Variants in FTCDNL1 observed in about 807,000 individuals in gnomAD.
FTCDNL1 encodes formiminotransferase cyclodeaminase N-terminal like.
In FTCDNL1, 11 loss-of-function variants were observed where a neutral mutation model predicts 5.9. That is an observed-to-expected ratio of 1.87 (90% CI 1.18 to 3.10). FTCDNL1 has a LOEUF of 3.10. FTCDNL1 is among the 30% of genes most tolerant of loss of function. The pLI, the probability that FTCDNL1 is intolerant of heterozygous loss-of-function variation, is 0.00. For synonymous variants in FTCDNL1, 58 were observed against 24.8 expected (o/e 2.34, Z -3.99); for missense variants, 115 against 65.5 (o/e 1.76, Z -2.61).
intron 3 of FTCDNL1, among the ~76,000 whole-genome samples, chr2:199,787,510 G>A (rs1010713804): frequency 3.3e-5 from 5 of 152,026 alleles, no homozygotes; most frequent in African/African-American, 9.7e-5. Flanking sequence ...TCTATCCCAC[G>A]TAGCCTAACA....
chr2:199,686,128 C>T, the FTCDNL1 span, among the ~76,000 whole-genome samples: 22 of 152,180 alleles, frequency 1.4e-4, no homozygotes, highest in Middle Eastern at 3.2e-3. Flanking sequence ...GGGCTATCTC[C>T]GCTGTTCAGC....
the FTCDNL1 span, among the ~76,000 whole-genome samples, chr2:199,689,576 T>C: frequency 6.6e-6 from 1 of 152,144 alleles, no homozygotes; most frequent in African/African-American, 2.4e-5. Flanking sequence ...GCCCATAACC[T>C]CACCCCTGTT....
chr2:199,664,629 T>C, the FTCDNL1 span, among the ~76,000 whole-genome samples: 1 of 152,190 alleles, frequency 6.6e-6, no homozygotes, highest in Non-Finnish European at 1.5e-5. Flanking sequence ...CTTAAAGATA[T>C]CTTAGAAATG....
At chr2:199,781,849 G>A (rs542883114) in intron 3 of FTCDNL1, among the ~76,000 whole-genome samples, 2 of 152,016 alleles carry the variant, frequency 1.3e-5, no homozygotes, top group East Asian at 1.9e-4. Context: ...GCGCCATCTC[G>A]GCTCACTGCA....
the FTCDNL1 span, among the ~76,000 whole-genome samples, chr2:199,740,407 C>T: frequency 6.6e-6 from 1 of 152,188 alleles, no homozygotes; most frequent in African/African-American, 2.4e-5. Context: ...TGAGAGCTCT[C>T]CAGAGCCTCT....
intron 2 of FTCDNL1, among the ~76,000 whole-genome samples, 187 bp from the exon 3 acceptor site, chr2:199,846,357 G>T (rs2076732853): frequency 6.6e-6 from 1 of 152,146 alleles, no homozygotes; most frequent in Non-Finnish European, 1.5e-5. Context: ...GCATCTTATT[G>T]TATAACCAGA....
chr2:199,682,319 C>A, the FTCDNL1 span, among the ~76,000 whole-genome samples: 1 of 152,166 alleles, frequency 6.6e-6, no homozygotes, highest in Admixed American at 6.5e-5. Flanking sequence ...GGGTCTCCGG[C>A]CTGCCCACCC....
At chr2:199,762,712 T>C (rs574061483) in intron 3 of FTCDNL1, among the ~76,000 whole-genome samples, 2 of 152,328 alleles carry the variant, frequency 1.3e-5, no homozygotes. Context: ...GCCTTATCTG[T>C]ACAACGGCAA....
chr2:199,742,223 TC>T, the FTCDNL1 span, among the ~76,000 whole-genome samples: 40 of 152,036 alleles, frequency 2.6e-4, no homozygotes, highest in African/African-American at 9.6e-4. Context: ...CTGTGAAGAC[TC>T]CCCCACTACC....
At chr2:199,703,859 T>C in the FTCDNL1 span, among the ~76,000 whole-genome samples, 1 of 152,160 alleles carries the variant, frequency 6.6e-6, no homozygotes, top group South Asian at 2.1e-4. Context: ...AATAAACCTT[T>C]TAAAAACATA....
the FTCDNL1 span, among the ~76,000 whole-genome samples, chr2:199,734,589 A>G: frequency 6.6e-6 from 1 of 152,186 alleles, no homozygotes; most frequent in Non-Finnish European, 1.5e-5. Context: ...TTTAAATCAA[A>G]TGTTTAAATT....
At chr2:199,765,292 C>T (rs11901592) in intron 3 of FTCDNL1, among the ~76,000 whole-genome samples, 3,690 of 151,740 alleles carry the variant, frequency 0.024, 151 homozygotes, top group African/African-American at 0.084. Context: ...TTGTAACAAA[C>T]GTACCACTCT....
At position 199,832,145 on chromosome 2, in the gene FTCDNL1, C is replaced by T. The variant is rs1702413823; in HGVS notation, c.212-12388G>A. Among the ~76,000 whole-genome samples, 6 of 152,222 alleles carry T rather than the reference C, an allele frequency of 3.9e-5. No homozygotes were observed. In the South Asian group the frequency reaches 1.2e-3, roughly 32 times the overall value. On this transcript the variant is annotated intron_variant, in intron 3 of 4. Coordinates refer to ENST00000420128, the MANE Select transcript of FTCDNL1 (RefSeq NM_001363886.2). ...ATATAGTTTCATAGAGATATGTATA[C>T]AGAAGCTTATTATTCCTTTGTAGGG...
the FTCDNL1 span, among the ~76,000 whole-genome samples, chr2:199,728,727 T>C: frequency 1.3e-5 from 2 of 152,198 alleles, no homozygotes. Context: ...ACTTGAGCTA[T>C]CATTTGATCA....
At chr2:199,824,900 G>A (rs1701929856) in intron 3 of FTCDNL1, among the ~76,000 whole-genome samples, 2 of 152,162 alleles carry the variant, frequency 1.3e-5, no homozygotes, top group Non-Finnish European at 2.9e-5. Context: ...CACTTTGGGA[G>A]GCTGAGGCAG....
At chr2:199,711,795 T>A in the FTCDNL1 span, among the ~76,000 whole-genome samples, 1 of 152,214 alleles carries the variant, frequency 6.6e-6, no homozygotes, top group African/African-American at 2.4e-5. Flanking sequence ...ACCAAAGGGA[T>A]GGGCTTCCAA....
At chr2:199,769,582 C>A (rs949987321) in intron 3 of FTCDNL1, among the ~76,000 whole-genome samples, 37 of 152,170 alleles carry the variant, frequency 2.4e-4, no homozygotes, top group Non-Finnish European at 7.3e-5. Context: ...CAGACTAATA[C>A]AAGGAGAGGG....
the FTCDNL1 span, among the ~76,000 whole-genome samples, chr2:199,701,183 G>C: frequency 6.6e-6 from 1 of 151,308 alleles, no homozygotes; most frequent in East Asian, 1.9e-4. Context: ...GGAATGCTAC[G>C]TTTTCTAGCA....
intron 3 of FTCDNL1, among the ~76,000 whole-genome samples, chr2:199,778,316 G>T (rs1699194585): frequency 6.6e-6 from 1 of 152,166 alleles, no homozygotes; most frequent in Non-Finnish European, 1.5e-5. Flanking sequence ...TACATTTCTA[G>T]GTACTGAGGA....
Sources: gnomAD v4.1 joint callset for allele counts (sites outside exome capture counted in the v4.1 genomes callset) on GRCh38, gnomAD v4.1.1 for gene constraint, MANE v1.5 for transcripts, NCBI Gene and HGNC (gene_info 2026-07-23, HGNC 2026-07-21) for gene names.